STAU2: variants seen among roughly 807,000 people sequenced by gnomAD.
The protein encoded by STAU2 is staufen double-stranded RNA binding protein 2, also known as double-stranded RNA-binding protein Staufen homolog 2.
A neutral mutation model predicts 65.9 loss-of-function variants in STAU2; 20 were observed. The ratio of observed to expected loss-of-function variants is 0.30; its 90% CI spans 0.21 to 0.44. The LOEUF is 0.44. STAU2 is among the 20% of genes least tolerant of loss of function. The pLI, the probability that STAU2 is intolerant of heterozygous loss-of-function variation, is 1.00. For missense variants in STAU2, 558 were observed against 683.9 expected (o/e 0.82, Z 2.05); for synonymous variants, 232 against 233.9 (o/e 0.99, Z 0.07).
At chr8:73,463,047 C>T (rs1159944307) in intron 13 of STAU2, among the ~76,000 whole-genome samples, 2 of 152,226 alleles carry the variant, frequency 1.3e-5, no homozygotes, top group Non-Finnish European at 2.9e-5. Context: ...TCCACTTGCA[C>T]TTCCTGAGGC....
At chr8:73,454,066 A>T (rs1818938647) in intron 13 of STAU2, among the ~76,000 whole-genome samples, 1 of 152,242 alleles carries the variant, frequency 6.6e-6, no homozygotes, top group South Asian at 2.1e-4. Flanking sequence ...TACAAAAAAA[A>T]ATTCAGAATA....
intron 13 of STAU2, among the ~76,000 whole-genome samples, chr8:73,442,923 T>G (rs1420609137): frequency 6.6e-6 from 1 of 152,244 alleles, no homozygotes; most frequent in African/African-American, 2.4e-5. Flanking sequence ...AACTTCATTC[T>G]TGATGGTTCA....
chr8:73,466,068 C>T (rs1294253905), intron 13 of STAU2, among the ~76,000 whole-genome samples: 2 of 152,202 alleles, frequency 1.3e-5, no homozygotes, highest in African/African-American at 2.4e-5. Context: ...TAGGGTCATG[C>T]CCAGATGCTC....
At chr8:73,592,145 CAG>C (rs1387943402) in intron 11 of STAU2, among the ~76,000 whole-genome samples, 2 of 151,010 alleles carry the variant, frequency 1.3e-5, no homozygotes, top group Non-Finnish European at 1.5e-5. Context: ...AATAGAAAAA[CAG>C]AGAAAAATCA....
rs201952544 is a variant in STAU2, at chr8:73,432,852, T to TA, written c.1531-10151dup. On this transcript the variant is annotated intron_variant, in intron 13 of 14. Transcript: ENST00000524300. ...TGCCTGCTAAGGTGGTGGTTACTCA[T>TA]AAAAAAAATAGAGGAGTAGGTGGTC... Among the ~76,000 whole-genome samples the TA allele has an allele frequency of 1.8e-3, 270 of 152,074 alleles. 1 individual carries two copies. The highest frequency in any genetic ancestry group is 3.2e-3 in the African/African-American group (131 of 41,510).
intron 4 of STAU2, among the ~76,000 whole-genome samples, chr8:73,695,677 AC>A (rs1436230469): frequency 6.6e-5 from 10 of 152,098 alleles, no homozygotes; most frequent in Admixed American, 2.0e-4. Flanking sequence ...GTCCACACCT[AC>A]GCTGGACAGC....
chr8:73,619,892 A>G (rs1767387531), intron 6 of STAU2, among the ~76,000 whole-genome samples: 1 of 152,206 alleles, frequency 6.6e-6, no homozygotes, highest in African/African-American at 2.4e-5. Flanking sequence ...GCTGTTTTAA[A>G]TGCTTAACCT....
chr8:73,711,448 TA>T (rs1382808134), intron 3 of STAU2, among the ~76,000 whole-genome samples: 5 of 152,118 alleles, frequency 3.3e-5, no homozygotes, highest in African/African-American at 4.8e-5. Flanking sequence ...TAAAGTCTGA[TA>T]AAAATCAGCC....
intron 3 of STAU2, among the ~76,000 whole-genome samples, chr8:73,716,830 G>A (rs771658947): frequency 3.9e-5 from 6 of 152,068 alleles, no homozygotes; most frequent in African/African-American, 7.2e-5. Context: ...TAGGCCAGGC[G>A]CGGTGGCTCA....
intron 5 of STAU2, 110 bp downstream of exon 5, chr8:73,688,522 GTGTGTGTGTAGGTATGGGCATA>G: frequency 6.9e-6 from 5 of 721,584 alleles, no homozygotes; most frequent in Non-Finnish European, 6.8e-6. Flanking sequence ...GTGTGTGTGT[GTGTGTGTGTAGGTATGGGCATA>G]TGTGTACTAT....
At chr8:73,629,920 AT>A (rs539680125) in intron 6 of STAU2, among the ~76,000 whole-genome samples, 1 of 151,648 alleles carries the variant, frequency 6.6e-6, no homozygotes, top group African/African-American at 2.4e-5. Flanking sequence ...CACTTGGCTA[AT>A]TTTTTTTTAT....
chr8:73,691,308 G>A (rs187339169), intron 4 of STAU2, among the ~76,000 whole-genome samples: 41 of 152,216 alleles, frequency 2.7e-4, no homozygotes, highest in African/African-American at 7.9e-4. Context: ...CATTAGTTTC[G>A]TTTATCCTTG....
At chr8:73,702,062 T>C (rs1412237236) in intron 4 of STAU2, among the ~76,000 whole-genome samples, 1 of 151,312 alleles carries the variant, frequency 6.6e-6, no homozygotes, top group Non-Finnish European at 1.5e-5. Flanking sequence ...AATAGAAGGA[T>C]GGTTACTAGA....
chr8:73,676,308 T>C (rs943207845), intron 5 of STAU2, among the ~76,000 whole-genome samples: 1 of 152,224 alleles, frequency 6.6e-6, no homozygotes, highest in Non-Finnish European at 1.5e-5. Context: ...CAGAGGGGAA[T>C]GGACTATCTT....
intron 4 of STAU2, among the ~76,000 whole-genome samples, chr8:73,705,447 G>C (rs1282089242): frequency 6.6e-6 from 1 of 152,066 alleles, no homozygotes; most frequent in East Asian, 1.9e-4. Flanking sequence ...ACTTAGCCAG[G>C]CTTACCAACA....
chr8:73,612,415 G>C (rs754701718), intron 9 of STAU2, among the ~76,000 whole-genome samples: 1 of 152,128 alleles, frequency 6.6e-6, no homozygotes, highest in Non-Finnish European at 1.5e-5. Flanking sequence ...TTCATACTCA[G>C]AACTGACTCC....
chr8:73,467,033 T>G (rs1180915632), intron 13 of STAU2, among the ~76,000 whole-genome samples: 1 of 152,204 alleles, frequency 6.6e-6, no homozygotes, highest in Non-Finnish European at 1.5e-5. Context: ...GTTCAGGAAG[T>G]TTTTTGGGAA....
chr8:73,570,359 G>A lies in STAU2; in HGVS notation c.1222+12411C>T, dbSNP rs1222073683. On this transcript the variant is annotated intron_variant, in intron 12 of 14. Transcript: ENST00000524300. ...GATTGGTGTACCTGAAAGTGACGGG[G>A]GGAATGGAACCAAGTTGGAAAACAC... Among the ~76,000 whole-genome samples the A allele has an allele frequency of 3.3e-5, 5 of 151,712 alleles. No individual in the cohort carries two copies. In the East Asian group the frequency reaches 5.8e-4, roughly 18 times the overall value.
At chr8:73,524,957 T>C (rs565395602) in intron 13 of STAU2, among the ~76,000 whole-genome samples, 8 of 152,266 alleles carry the variant, frequency 5.3e-5, no homozygotes, top group African/African-American at 1.9e-4. Flanking sequence ...AACGGCAACA[T>C]AATGTAGAAA....
Sources: gnomAD v4.1 joint callset for allele counts (sites outside exome capture counted in the v4.1 genomes callset) on GRCh38, gnomAD v4.1.1 for gene constraint, MANE v1.5 for transcripts, NCBI Gene and HGNC (gene_info 2026-07-23, HGNC 2026-07-21) for gene names.